ANTXR2: variants seen among roughly 807,000 people sequenced by gnomAD.
ANTXR2 encodes the protein ANTXR cell adhesion molecule 2.
In ANTXR2, 44 loss-of-function variants were observed where a neutral mutation model predicts 73.7. The observed-to-expected ratio is 0.60, with a 90% CI of 0.47 to 0.77. The LOEUF is 0.77. Ranked by LOEUF, ANTXR2 falls within the 30% of genes least tolerant of loss-of-function variation. The probability of loss-of-function intolerance (pLI) is 0.00; values close to 1 mark genes in which losing one functional copy is unlikely to be tolerated. For synonymous variants in ANTXR2, 217 were observed against 205.9 expected, an observed-to-expected ratio of 1.05 and a Z score of -0.46; for missense variants, 604 against 592.5, an observed-to-expected ratio of 1.02 and a Z score of -0.20.
At chr4:79,984,782 A>C in intron 13 of ANTXR2, 37 bp downstream of exon 13, 5 of 1,575,544 alleles carry the variant, frequency 3.2e-6, no homozygotes, top group Non-Finnish European at 4.3e-6. Flanking sequence ...TTTGGAAAAA[A>C]AAAACAGCCA....
chr4:80,069,508 CT>C lies in ANTXR2; in HGVS notation c.225-2del, dbSNP rs1401966824. 6.3e-7 allele frequency: 1 copy of C among 1,594,036 alleles called. No individual in the cohort carries two copies. The highest frequency in any genetic ancestry group is 8.6e-7 in the Non-Finnish European group (1 of 1,167,594). On this transcript the variant is annotated splice_acceptor_variant, in intron 2 of 16. Coordinates refer to ENST00000403729, the MANE Select transcript of ANTXR2 (RefSeq NM_058172.6). LOFTEE classifies it high-confidence loss of function. The stretch of plus-strand genomic sequence containing the variant: ...AATGAAAGATAATCTCATTTCAGGG[CT>C]GCAAAATAAGAAAAGAGGCAGTTAA...
At chr4:79,917,756 C>T (rs984632351) in intron 16 of ANTXR2, among the ~76,000 whole-genome samples, 4 of 151,674 alleles carry the variant, frequency 2.6e-5, no homozygotes, top group Admixed American at 2.0e-4. Context: ...TAAGGGTAAA[C>T]GTTACCAGAC....
At chr4:79,975,170 C>T (rs565630076) in intron 16 of ANTXR2, among the ~76,000 whole-genome samples, 1 of 152,296 alleles carries the variant, frequency 6.6e-6, no homozygotes, top group South Asian at 2.1e-4. Context: ...GTTCATTCTA[C>T]ATATCTCCTA....
At chr4:79,926,969 G>GTATATATACACATGTTCATGTATGTGTA (rs1553925975) in intron 16 of ANTXR2, among the ~76,000 whole-genome samples, 3 of 81,040 alleles carry the variant, frequency 3.7e-5, no homozygotes, top group Admixed American at 2.2e-4. Context: ...GCATATATGT[G>GTATATATACACATGTTCATGTATGTGTA]TATATATACG....
intron 12 of ANTXR2, among the ~76,000 whole-genome samples, chr4:80,007,420 A>G (rs951007896): frequency 6.6e-6 from 1 of 152,198 alleles, no homozygotes; most frequent in African/African-American, 2.4e-5. Flanking sequence ...AAACCTGAAC[A>G]ATCTAAATTG....
intron 16 of ANTXR2, among the ~76,000 whole-genome samples, chr4:79,914,394 G>T (rs1727266052): frequency 6.6e-6 from 1 of 151,970 alleles, no homozygotes; most frequent in African/African-American, 2.4e-5. Context: ...GTTCTTCTGA[G>T]GTTTGACTAT....
At chr4:79,981,353 C>G (rs754307361) in intron 14 of ANTXR2, among the ~76,000 whole-genome samples, 2 of 152,154 alleles carry the variant, frequency 1.3e-5, no homozygotes, top group Non-Finnish European at 2.9e-5. Context: ...TGATGGGTCA[C>G]AGTTGACACT....
Position 79,905,636 on chromosome 4 carries a change from T to TGAGCA in ANTXR2, c.*1792_*1793insTGCTC, listed in dbSNP as rs1726872638. 3 of 151,876 alleles carry TGAGCA rather than the reference T, an allele frequency of 2.0e-5. No individual in the cohort carries two copies. The South Asian group carries it at 6.2e-4, about 31-fold the overall frequency. 9.4% of individuals were successfully genotyped at this position (151,876 alleles called of 1,614,324 possible). Reference sequence around the variant, plus strand: ...CTTTGGATCCAGCCAGCCAGTGACATAAATAAACTTGAGCAAAAGTTTCAA... The same window carrying TGAGCA: ...CTTTGGATCCAGCCAGCCAGTGACATGAGCAAAATAAACTTGAGCAAAAGTTTCAA... On this transcript the variant is annotated 3_prime_UTR_variant, in exon 17 of 17. Transcript: ENST00000403729.
chr4:79,956,353 G>A (rs1010440412), intron 16 of ANTXR2, among the ~76,000 whole-genome samples: 1 of 152,064 alleles, frequency 6.6e-6, no homozygotes, highest in African/African-American at 2.4e-5. Context: ...ATGTATAATT[G>A]CCCTAAGTCA....
rs1015051862 is a variant in ANTXR2, at chr4:79,906,942, T to C, written c.*487A>G. ...ACATAGCTATAAGGCAATGGACTTC[T>C]TTATTTGCTTAGCCTGGTGGGAAAT... is the stretch of plus-strand genomic sequence containing the variant. On this transcript the variant is annotated 3_prime_UTR_variant, in exon 17 of 17. Transcript: ENST00000403729. The C allele has an allele frequency of 3.3e-5, 6 of 179,588 alleles. No individual in the cohort carries two copies. The highest frequency in any genetic ancestry group is 1.3e-4 in the Admixed American group (2 of 15,636). 11.1% of individuals were successfully genotyped at this position (179,588 alleles called of 1,614,324 possible). A position where few individuals can be genotyped will look rare whatever the true frequency, so the allele number is the denominator to read the frequency against.
chr4:79,985,933 C>T (rs1166157582), intron 12 of ANTXR2, among the ~76,000 whole-genome samples: 1 of 151,514 alleles, frequency 6.6e-6, no homozygotes, highest in Admixed American at 6.6e-5. Flanking sequence ...CCTCCACCTC[C>T]CGGGTTCAAG....
chr4:80,057,925 T>C (rs1311779098), intron 3 of ANTXR2, among the ~76,000 whole-genome samples: 4 of 152,198 alleles, frequency 2.6e-5, no homozygotes, highest in African/African-American at 4.8e-5. Context: ...CCAAGGATGA[T>C]AGCATAAGTT....
chr4:79,928,131 A>G (rs1727895699), intron 16 of ANTXR2, among the ~76,000 whole-genome samples: 1 of 152,204 alleles, frequency 6.6e-6, no homozygotes, highest in Non-Finnish European at 1.5e-5. Context: ...CCATGGACTA[A>G]TAGATAAAAT....
At chr4:80,050,159 T>A (rs1733708811) in intron 7 of ANTXR2, among the ~76,000 whole-genome samples, 1 of 151,742 alleles carries the variant, frequency 6.6e-6, no homozygotes, top group African/African-American at 2.4e-5. Context: ...AGGAATTGTG[T>A]CTCTCCTCTG....
intron 16 of ANTXR2, among the ~76,000 whole-genome samples, chr4:79,948,955 C>T (rs560702745): frequency 1.7e-4 from 26 of 152,208 alleles, no homozygotes; most frequent in African/African-American, 5.8e-4. Flanking sequence ...CACTATTATT[C>T]CTTTCTCTGA....
intron 11 of ANTXR2, among the ~76,000 whole-genome samples, chr4:80,015,480 C>T (rs1731792891): frequency 6.6e-6 from 1 of 152,080 alleles, no homozygotes; most frequent in East Asian, 1.9e-4. Flanking sequence ...TTTCTCTGTG[C>T]CTTTTCTTTT....
At chr4:80,012,357 T>A (rs1242149764) in intron 11 of ANTXR2, among the ~76,000 whole-genome samples, 1 of 151,968 alleles carries the variant, frequency 6.6e-6, no homozygotes, top group African/African-American at 2.4e-5. Flanking sequence ...TTTTTTACAG[T>A]ATTACATAAA....
chr4:80,000,434 T>C (rs1001177299), intron 12 of ANTXR2, among the ~76,000 whole-genome samples: 1 of 152,046 alleles, frequency 6.6e-6, no homozygotes, highest in Non-Finnish European at 1.5e-5. Context: ...ATTTTCTCAA[T>C]TTTAAGAATT....
intron 16 of ANTXR2, among the ~76,000 whole-genome samples, chr4:79,951,750 C>T (rs1728718353): frequency 6.6e-6 from 1 of 152,158 alleles, no homozygotes; most frequent in South Asian, 2.1e-4. Context: ...ACAAATCCTT[C>T]AAGATTAACT....
Sources: allele counts gnomAD v4.1 joint callset (sites outside exome capture counted in the v4.1 genomes callset), GRCh38; gene constraint gnomAD v4.1.1; transcripts MANE v1.5; gene names NCBI Gene and HGNC (gene_info 2026-07-23, HGNC 2026-07-21).